CALN1: variants seen among roughly 807,000 people sequenced by gnomAD.
The protein encoded by CALN1 is calneuron 1, also known as calcium-binding protein 8.
In CALN1, 17 loss-of-function variants were observed where a neutral mutation model predicts 30.6. The observed-to-expected ratio is 0.56, with a 90% CI of 0.38 to 0.83. The LOEUF is 0.83. Among genes scored for constraint, CALN1 ranks in the 40% least tolerant of loss-of-function variants. The probability of loss-of-function intolerance (pLI) is 0.00; values close to 1 mark genes in which losing one functional copy is unlikely to be tolerated. For missense variants in CALN1, 291 were observed against 354.9 expected, an observed-to-expected ratio of 0.82 and a Z score of 1.45; for synonymous variants, 156 against 131.4, an observed-to-expected ratio of 1.19 and a Z score of -1.28.
At chr7:72,278,503 A>ACG (rs1225870358) in intron 3 of CALN1, among the ~76,000 whole-genome samples, 183 bp downstream of exon 3, 1 of 151,826 alleles carries the variant, frequency 6.6e-6, no homozygotes, top group Non-Finnish European at 1.5e-5. Flanking sequence ...ACACACACAC[A>ACG]CACACACACA....
chr7:72,305,672 T>C (rs150647111), intron 2 of CALN1, among the ~76,000 whole-genome samples: 1 of 152,344 alleles, frequency 6.6e-6, no homozygotes, highest in East Asian at 1.9e-4. Context: ...GAGAGTTCTC[T>C]AGAACAGCAC....
chr7:72,411,021 A>G (rs1167959900), intron 1 of CALN1, among the ~76,000 whole-genome samples: 2 of 152,214 alleles, frequency 1.3e-5, no homozygotes, highest in African/African-American at 2.4e-5. Context: ...AAAAACGATT[A>G]CAAATAATAG....
intron 3 of CALN1, among the ~76,000 whole-genome samples, chr7:72,152,458 A>C (rs1048452834): frequency 6.6e-6 from 1 of 152,178 alleles, no homozygotes; most frequent in South Asian, 2.1e-4. Flanking sequence ...GCAACACATG[A>C]AAGAGATCTT....
intron 4 of CALN1, among the ~76,000 whole-genome samples, chr7:72,092,522 G>C (rs1026781617): frequency 2.0e-5 from 3 of 150,292 alleles, no homozygotes; most frequent in Non-Finnish European, 4.4e-5. Context: ...AAATGGAAAG[G>C]AATGTGTAGA....
At chr7:72,281,222 C>T (rs1797716419) in intron 2 of CALN1, among the ~76,000 whole-genome samples, 1 of 152,070 alleles carries the variant, frequency 6.6e-6, no homozygotes. Context: ...TCCTCTTCTG[C>T]TACAGGACGA....
intron 3 of CALN1, among the ~76,000 whole-genome samples, chr7:72,265,978 A>G (rs1796569662): frequency 6.6e-6 from 1 of 152,032 alleles, no homozygotes; most frequent in Non-Finnish European, 1.5e-5. Context: ...TCCAAAAATA[A>G]AAAACAAAAC....
intron 2 of CALN1, among the ~76,000 whole-genome samples, chr7:72,307,814 A>C (rs898682467): frequency 3.9e-5 from 6 of 152,110 alleles, no homozygotes; most frequent in Non-Finnish European, 7.4e-5. Context: ...GCAGAGGACA[A>C]TGACTGAAAG....
chr7:72,220,262 A>G (rs1303404793), intron 3 of CALN1, among the ~76,000 whole-genome samples: 2 of 140,316 alleles, frequency 1.4e-5, no homozygotes, highest in Non-Finnish European at 3.0e-5. Flanking sequence ...TCATTGTTCA[A>G]TTCCCACCTA....
At chr7:72,002,498 T>G (rs569123714) in intron 5 of CALN1, among the ~76,000 whole-genome samples, 197 of 152,134 alleles carry the variant, frequency 1.3e-3, no homozygotes, top group African/African-American at 4.6e-3. Context: ...AGTTGAAAAA[T>G]TGTAAGTTGA....
intron 5 of CALN1, among the ~76,000 whole-genome samples, chr7:71,978,970 C>T (rs1173284600): frequency 2.6e-5 from 4 of 152,274 alleles, no homozygotes; most frequent in African/African-American, 9.6e-5. Flanking sequence ...AGGATGTTTG[C>T]AGAGAGAACA....
At chr7:72,427,729 C>T (rs548445723) in intron 1 of CALN1, among the ~76,000 whole-genome samples, 8 of 152,060 alleles carry the variant, frequency 5.3e-5, no homozygotes, top group Middle Eastern at 6.8e-3. Context: ...AATCTTCCCA[C>T]CTTGGCCTCC....
chr7:71,881,461 C>A (rs531359592), intron 5 of CALN1, among the ~76,000 whole-genome samples: 1 of 152,334 alleles, frequency 6.6e-6, no homozygotes, highest in Non-Finnish European at 1.5e-5. Context: ...CCAGTCCTGG[C>A]ACCTTCTCAT....
intron 5 of CALN1, among the ~76,000 whole-genome samples, chr7:71,949,386 TTTTG>T (rs142127880): frequency 0.011 from 1,749 of 152,208 alleles, 32 homozygotes; most frequent in African/African-American, 0.039. Flanking sequence ...CGAGAGGGTT[TTTTG>T]TTTGTTTGTT....
chr7:72,445,678 G>A (rs753918317), intron 1 of CALN1, among the ~76,000 whole-genome samples: 6 of 152,286 alleles, frequency 3.9e-5, no homozygotes, highest in Admixed American at 1.3e-4. Context: ...CTGCCACAGC[G>A]GAGAGTTTGA....
intron 5 of CALN1, among the ~76,000 whole-genome samples, chr7:71,904,522 G>C (rs1794025883): frequency 6.6e-6 from 1 of 152,164 alleles, no homozygotes; most frequent in Non-Finnish European, 1.5e-5. Context: ...GAATAGAATG[G>C]TGGTTATCAG....
intron 5 of CALN1, among the ~76,000 whole-genome samples, chr7:71,992,121 A>G (rs1168576889): frequency 3.9e-5 from 6 of 152,238 alleles, no homozygotes; most frequent in Non-Finnish European, 8.8e-5. Flanking sequence ...TTATAGATTA[A>G]CTTCCCACTT....
At chr7:71,817,669 C>T (rs1031532606) in intron 5 of CALN1, among the ~76,000 whole-genome samples, 3 of 152,124 alleles carry the variant, frequency 2.0e-5, no homozygotes, top group African/African-American at 7.2e-5. Flanking sequence ...GCGCCCACCA[C>T]CATGCCCAGC....
At chr7:72,358,460 A>C (rs1441598203) in intron 2 of CALN1, among the ~76,000 whole-genome samples, 1 of 150,200 alleles carries the variant, frequency 6.7e-6, no homozygotes, top group East Asian at 1.9e-4. Flanking sequence ...CGCAGAGAGC[A>C]CTGACTTTGA....
At chr7:72,269,928 A>G (rs546808516) in intron 3 of CALN1, among the ~76,000 whole-genome samples, 1 of 152,332 alleles carries the variant, frequency 6.6e-6, no homozygotes, top group East Asian at 1.9e-4. Flanking sequence ...ATAGAAAAGT[A>G]TATTCAGAGA....
Sources: allele counts gnomAD v4.1 joint callset (sites outside exome capture counted in the v4.1 genomes callset), GRCh38; gene constraint gnomAD v4.1.1; transcripts MANE v1.5; gene names NCBI Gene and HGNC (gene_info 2026-07-23, HGNC 2026-07-21).